Variants in TASOR2 observed in about 807,000 individuals in gnomAD.
TASOR2 encodes protein TASOR 2.
TASOR2 carries 84 observed loss-of-function variants against 199.5 expected under a neutral mutation model. The observed-to-expected ratio is 0.42, with a 90% CI of 0.35 to 0.50. The LOEUF is 0.50. TASOR2 is among the 20% of genes least tolerant of loss of function. TASOR2 has a pLI of 0.02. For missense variants in TASOR2, 2,796 were observed against 2,835.9 expected, an observed-to-expected ratio of 0.99 and a Z score of 0.32; for synonymous variants, 1,103 against 1,046.6, an observed-to-expected ratio of 1.05 and a Z score of -1.04.
chr10:5,742,484 C>T lies in TASOR2; in HGVS notation c.2715C>T (p.Asp905=). 1 of 1,613,902 alleles carries T rather than the reference C, an allele frequency of 6.2e-7. No homozygotes were observed. Among genetic ancestry groups the T allele is most frequent in the Non-Finnish European group, 8.5e-7 (1 of 1,180,000 alleles). The change falls in exon 14 of 21, where the codon GAC becomes GAT. Residue 905 remains aspartate, a synonymous_variant. Transcript: ENST00000328090. The surrounding 1 kb of genome is among the most constrained non-coding windows in gnomAD (Gnocchi z 4.2). The stretch of plus-strand genomic sequence containing the variant: ...CTTTTGCAAGAGAGTGTGATCCAGA[C>T]ACCCAAGAAGACCAGAATTTCATCT...
chr10:5,708,149 T>G (rs894090106), intron 1 of TASOR2, among the ~76,000 whole-genome samples: 4 of 152,354 alleles, frequency 2.6e-5, no homozygotes, highest in African/African-American at 9.6e-5. Flanking sequence ...TGATAAAAAC[T>G]GAAAACTTGA....
Position 5,738,561 on chromosome 10 carries a change from C to T in TASOR2, c.1448-1057C>T, listed in dbSNP as rs115627672. ...CTGTTTTAAATAAAAACTGGGCAGT[C>T]GTTGATCAGTTTAACCCTTTCCCCA... On this transcript the variant is annotated intron_variant, in intron 12 of 20. Coordinates refer to ENST00000328090, the Ensembl canonical transcript of TASOR2. The surrounding 1 kb of genome is among the most constrained non-coding windows in gnomAD (Gnocchi z 4.7). Among the ~76,000 whole-genome samples, 1,397 of 152,286 alleles carry T rather than the reference C, an allele frequency of 9.2e-3. 27 individuals are homozygous for T. Among genetic ancestry groups the T allele is most frequent in the African/African-American group, 0.032 (1,330 of 41,544 alleles).
rs1236463002 is a variant in TASOR2, at chr10:5,737,173, T to G, written c.1447+1627T>G. On this transcript the variant is annotated intron_variant, in intron 12 of 20. Coordinates refer to ENST00000328090, the Ensembl canonical transcript of TASOR2. The surrounding 1 kb of genome is among the most constrained non-coding windows in gnomAD (Gnocchi z 4.9). ...TGGGGTTTAACCATTTTGGCCAGGA[T>G]AGTCTCAACTTCTTGACCTCTTGAC... Among the ~76,000 whole-genome samples, 1 of 152,168 alleles carries G rather than the reference T, an allele frequency of 6.6e-6. No individual in the cohort carries two copies. Among genetic ancestry groups the G allele is most frequent in the Non-Finnish European group, 1.5e-5 (1 of 68,024 alleles).
At position 5,720,467 on chromosome 10, in the gene TASOR2, C is replaced by T. The variant is rs1022600942; in HGVS notation, c.-99-77C>T. 80 of 1,431,332 alleles carry T rather than the reference C, an allele frequency of 5.6e-5. No homozygotes were observed. The highest frequency in any genetic ancestry group is 6.9e-5 in the Non-Finnish European group (76 of 1,098,022). The allele number at this position is 1,431,332 out of a possible 1,614,324, so 88.7% of individuals were successfully genotyped here. ...CTCTAATGTGTTAAATTTCAGGGCTCGGTGGGGTTGAGAAAAACTTGGTAC... is the reference window on the plus strand; with the variant it reads ...CTCTAATGTGTTAAATTTCAGGGCTTGGTGGGGTTGAGAAAAACTTGGTAC... On this transcript the variant is annotated intron_variant, in intron 3 of 20. Transcript: ENST00000328090. The surrounding 1 kb of genome is among the most constrained non-coding windows in gnomAD (Gnocchi z 5.3).
At chr10:5,692,816 G>A (rs1836616492) in intron 1 of TASOR2, 1 of 152,210 alleles carries the variant, frequency 6.6e-6, no homozygotes, top group African/African-American at 2.4e-5. Flanking sequence ...CACGCCCTGC[G>A]CGGAGTTCCC....
chr10:5,739,877 G>C (rs773274839), exon 13 of TASOR2: 20 of 1,613,988 alleles, frequency 1.2e-5, no homozygotes, highest in Non-Finnish European at 1.7e-5. Flanking sequence ...ATGATGTTTT[G>C]CTCTCTAAAG....
Position 5,752,435 on chromosome 10 carries a change from A to G in TASOR2, c.6606+2408A>G, listed in dbSNP as rs1001740824. 1.3e-5 allele frequency among the ~76,000 whole-genome samples: 2 copies of G among 151,902 alleles called. No individual in the cohort carries two copies. Among genetic ancestry groups the G allele is most frequent in the Non-Finnish European group, 2.9e-5 (2 of 67,960 alleles). On this transcript the variant is annotated intron_variant, in intron 15 of 20. Coordinates refer to ENST00000328090, the Ensembl canonical transcript of TASOR2. The surrounding 1 kb of genome is among the most constrained non-coding windows in gnomAD (Gnocchi z 4.4). The stretch of plus-strand genomic sequence containing the variant: ...GACGTGCCGTGTGTCGGTTCCACAC[A>G]TGAGGGGCCTGCAGGCCACGTGCAG...
rs753626570 is a variant in TASOR2 at position 5,742,915 on chromosome 10, A to T, written c.2757+389A>T. 1.1e-4 allele frequency among the ~76,000 whole-genome samples: 17 copies of T among 152,378 alleles called. No homozygotes were observed. In the East Asian group the frequency reaches 3.1e-3, roughly 28 times the overall value. On this transcript the variant is annotated intron_variant, in intron 14 of 20. Transcript: ENST00000328090. The surrounding 1 kb of genome is among the most constrained non-coding windows in gnomAD (Gnocchi z 4.2). ...ATAAATCTTAGATATACTTTGATAAACCTTAAAGTAAACTAAAATTAATTG... is the reference window on the plus strand; with the variant it reads ...ATAAATCTTAGATATACTTTGATAATCCTTAAAGTAAACTAAAATTAATTG...
Position 5,698,428 on chromosome 10 carries a change from C to T in TASOR2, c.-288+13253C>T, listed in dbSNP as rs1837406047. On this transcript the variant is annotated intron_variant, in intron 1 of 20. Transcript: ENST00000328090. The surrounding 1 kb of genome is among the most constrained non-coding windows in gnomAD (Gnocchi z 4.4). ...TGTTAATAAACATTAGTTAACCGAACAGTTATATGATTAAAAATAAAAAAA... is the reference window on the plus strand; with the variant it reads ...TGTTAATAAACATTAGTTAACCGAATAGTTATATGATTAAAAATAAAAAAA... 6.6e-6 allele frequency among the ~76,000 whole-genome samples: 1 copy of T among 151,972 alleles called. No homozygotes were observed. The highest frequency in any genetic ancestry group is 2.4e-5 in the African/African-American group (1 of 41,372).
chr10:5,699,593 A>G lies in TASOR2; in HGVS notation c.-287-13230A>G. ...AAAGAAGAAATACAAGAACTCAAGG[A>G]AGAGACAGCCAGACAACAGTAGAGT... On this transcript the variant is annotated intron_variant, in intron 1 of 20. Coordinates refer to ENST00000328090, the Ensembl canonical transcript of TASOR2. This position sits in a 1 kb window ranked among gnomAD's most constrained non-coding sequence, Gnocchi z 4.1. The G allele has an allele frequency of 6.5e-6, 1 of 153,630 alleles. No individual in the cohort carries two copies. Among genetic ancestry groups the G allele is most frequent in the Non-Finnish European group, 1.4e-5 (1 of 69,226 alleles). 9.5% of individuals were successfully genotyped at this position (153,630 alleles called of 1,614,324 possible).
chr10:5,693,602 A>G (rs1836765555), intron 1 of TASOR2, among the ~76,000 whole-genome samples: 1 of 152,248 alleles, frequency 6.6e-6, no homozygotes, highest in Non-Finnish European at 1.5e-5. Context: ...CAGGAGTTCA[A>G]GACCAACCTG....
chr10:5,731,213 AT>A lies in TASOR2; in HGVS notation c.1204+13del, dbSNP rs753073364. The A allele has an allele frequency of 1.3e-6, 2 of 1,595,110 alleles. No individual in the cohort carries two copies. Among genetic ancestry groups the A allele is most frequent in the Admixed American group, 3.4e-5 (2 of 59,130 alleles). On this transcript the variant is annotated intron_variant, in intron 11 of 20. Coordinates refer to ENST00000328090, the Ensembl canonical transcript of TASOR2. ...CAGAAAAGAAAAAGAGGTAAGCACG[AT>A]TTATTTATGTGGGTTATTATAATAA...
intron 14 of TASOR2, among the ~76,000 whole-genome samples, chr10:5,745,373 A>G (rs904451471): frequency 6.6e-6 from 1 of 152,236 alleles, no homozygotes. Flanking sequence ...ATGTATTCTG[A>G]GTACAGGGGG....
intron 19 of TASOR2, among the ~76,000 whole-genome samples, chr10:5,762,084 TG>T (rs1361472455): frequency 2.0e-5 from 3 of 152,080 alleles, no homozygotes; most frequent in African/African-American, 7.2e-5. Context: ...GAGGCCAGCC[TG>T]GGCAACTTAG....
chr10:5,721,937 A>G (rs1833409201), intron 6 of TASOR2, among the ~76,000 whole-genome samples: 1 of 152,220 alleles, frequency 6.6e-6, no homozygotes, highest in Non-Finnish European at 1.5e-5. Context: ...TACCCTAGTC[A>G]TTGAAGTAAA....
At position 5,750,137 on chromosome 10, in the gene TASOR2, T is replaced by C; in HGVS notation, c.6606+110T>C. On this transcript the variant is annotated intron_variant, in intron 15 of 20. Coordinates refer to ENST00000328090, the Ensembl canonical transcript of TASOR2. The surrounding 1 kb of genome is among the most constrained non-coding windows in gnomAD (Gnocchi z 5.4). Reference sequence around the variant, plus strand: ...AAAGAAATCATGGTATGACATAGTATTTAAATTTCACAGCTTAGTCTTTAT... The same window carrying C: ...AAAGAAATCATGGTATGACATAGTACTTAAATTTCACAGCTTAGTCTTTAT... 3.3e-6 allele frequency: 4 copies of C among 1,226,344 alleles called. No individual in the cohort carries two copies. Among genetic ancestry groups the C allele is most frequent in the Non-Finnish European group, 4.4e-6 (4 of 912,112 alleles). 76.0% of individuals were successfully genotyped at this position (1,226,344 alleles called of 1,614,324 possible).
intron 1 of TASOR2, chr10:5,712,105 A>G (rs1831997423): frequency 5.1e-6 from 1 of 197,978 alleles, no homozygotes; most frequent in Admixed American, 6.0e-5. Flanking sequence ...AGTTGTATCC[A>G]CTTTTGACCA....
intron 14 of TASOR2, among the ~76,000 whole-genome samples, chr10:5,745,417 A>G (rs1317420575): frequency 6.6e-6 from 1 of 152,212 alleles, no homozygotes; most frequent in Non-Finnish European, 1.5e-5. Flanking sequence ...CTCATGGGAA[A>G]GTTTCAGATG....
chr10:5,753,810 C>T (rs1838438795), intron 15 of TASOR2, among the ~76,000 whole-genome samples: 1 of 152,012 alleles, frequency 6.6e-6, no homozygotes, highest in Non-Finnish European at 1.5e-5. Context: ...TTGGGAAGGC[C>T]CTCAGCCTCC....
Sources: gnomAD v4.1 joint callset for allele counts (sites outside exome capture counted in the v4.1 genomes callset) on GRCh38, gnomAD v4.1.1 for gene constraint, Gnocchi (gnomAD v3.1) non-coding constraint, MANE v1.5 for transcripts, NCBI Gene and HGNC (gene_info 2026-07-23, HGNC 2026-07-21) for gene names.